The following CDIN1 variants were observed in gnomAD, a reference collection of about 807,000 sequenced individuals.
CDIN1 encodes CDAN1-interacting nuclease 1.
Under a neutral mutation model 45.3 loss-of-function variants are expected in CDIN1, and 33 were observed. The observed-to-expected ratio is 0.73, with a 90% CI of 0.55 to 0.97. CDIN1 has a LOEUF of 0.97. Ranked by LOEUF, CDIN1 falls within the 50% of genes least tolerant of loss-of-function variation. The pLI is 0.00. For synonymous variants in CDIN1, 118 were observed against 124.4 expected (o/e 0.95, Z 0.34); for missense variants, 303 against 339.4 (o/e 0.89, Z 0.84).
chr15:36,619,588 T>C lies in CDIN1; in HGVS notation c.102-24690T>C, dbSNP rs530050884. Among the ~76,000 whole-genome samples, 3 of 152,152 alleles carry C rather than the reference T, an allele frequency of 2.0e-5. No homozygotes were observed. In the East Asian group the frequency reaches 5.8e-4, roughly 29 times the overall value. On this transcript the variant is annotated intron_variant, in intron 1 of 10. Coordinates refer to ENST00000566621, the MANE Select transcript of CDIN1 (RefSeq NM_001321759.2). ...GTTTTTGGTTTTAATTTGCAGAGAT[T>C]TGCTGCCAGGAATCAATTTTGAGGG...
chr15:36,649,841 C>A (rs1023131690), intron 3 of CDIN1, among the ~76,000 whole-genome samples: 4 of 152,190 alleles, frequency 2.6e-5, no homozygotes, highest in Admixed American at 2.0e-4. Context: ...TACATACTTA[C>A]ATACACAGCT....
chr15:36,672,338 A>G (rs991404717), intron 5 of CDIN1, among the ~76,000 whole-genome samples: 1 of 152,080 alleles, frequency 6.6e-6, no homozygotes, highest in African/African-American at 2.4e-5. Context: ...CTCTGTATCA[A>G]TATGAATTTT....
chr15:36,713,541 A>G (rs147023557), intron 10 of CDIN1, among the ~76,000 whole-genome samples: 335 of 152,240 alleles, frequency 2.2e-3, no homozygotes, highest in African/African-American at 7.5e-3. Context: ...CATGACTGGG[A>G]GCAACTTACT....
intron 10 of CDIN1, among the ~76,000 whole-genome samples, chr15:36,733,881 G>A (rs1428784438): frequency 2.0e-5 from 3 of 152,096 alleles, no homozygotes; most frequent in Admixed American, 6.6e-5. Flanking sequence ...ACTTTGTAGG[G>A]CCTTCAAGAC....
chr15:36,699,350 A>T (rs757167621), intron 8 of CDIN1, among the ~76,000 whole-genome samples: 3 of 152,190 alleles, frequency 2.0e-5, no homozygotes, highest in Non-Finnish European at 2.9e-5. Context: ...AAGTGTTGTG[A>T]CAGGTAAATT....
At chr15:36,790,852 C>A (rs1331472626) in intron 10 of CDIN1, among the ~76,000 whole-genome samples, 1 of 152,096 alleles carries the variant, frequency 6.6e-6, no homozygotes, top group Non-Finnish European at 1.5e-5. Context: ...TGTTTTAAAA[C>A]AACAACAACT....
At chr15:36,800,905 G>GTATATATATATATATATATA (rs1437486563) in intron 10 of CDIN1, among the ~76,000 whole-genome samples, 3 of 22,092 alleles carry the variant, frequency 1.4e-4, no homozygotes, top group Non-Finnish European at 1.9e-4. Context: ...GTGTGTGTGT[G>GTATATATATATATATATATA]TGTGTATATA....
rs111713255 is a variant in CDIN1, at chr15:36,722,985, G to GTGTGTGTGTGTGTT, written c.716+13025_716+13026insGTGTGTGTGTGTTT. Reference sequence around the variant, plus strand: ...TGTGTGTGTGTGTGTGTGTGTGTGTGTTTCTCTCTCCCTTACATTCTTCCA... The same window carrying GTGTGTGTGTGTGTT: ...TGTGTGTGTGTGTGTGTGTGTGTGTGTGTGTGTGTGTGTTTTTCTCTCTCCCTTACATTCTTCCA... On this transcript the variant is annotated intron_variant, in intron 10 of 10. Transcript: ENST00000566621. Among the ~76,000 whole-genome samples the GTGTGTGTGTGTGTT allele has an allele frequency of 1.5e-3, 184 of 119,182 alleles. 4 individuals carry two copies. Among genetic ancestry groups the GTGTGTGTGTGTGTT allele is most frequent in the African/African-American group, 2.4e-3 (85 of 35,616 alleles). 78.2% of individuals were successfully genotyped at this position (119,182 alleles called of 152,430 possible).
chr15:36,745,810 G>A (rs926813338), intron 10 of CDIN1, among the ~76,000 whole-genome samples: 13 of 151,808 alleles, frequency 8.6e-5, no homozygotes, highest in Non-Finnish European at 1.8e-4. Flanking sequence ...TACTAAAAAT[G>A]CAAAAATTAG....
chr15:36,617,853 G>A (rs138576760), intron 1 of CDIN1: 17 of 777,582 alleles, frequency 2.2e-5, no homozygotes, highest in South Asian at 2.0e-4. Context: ...AAATCCTTAA[G>A]AGAAGAAGTT....
chr15:36,634,788 C>T (rs1595396778), intron 1 of CDIN1, among the ~76,000 whole-genome samples: 1 of 152,060 alleles, frequency 6.6e-6, no homozygotes, highest in East Asian at 1.9e-4. Flanking sequence ...GCCTTTTTTC[C>T]TAAAGTCCAG....
intron 10 of CDIN1, among the ~76,000 whole-genome samples, chr15:36,776,842 C>A (rs1359260448): frequency 6.6e-6 from 1 of 152,108 alleles, no homozygotes; most frequent in Non-Finnish European, 1.5e-5. Flanking sequence ...TAAATGAAAT[C>A]TAAATCTTAG....
At chr15:36,694,775 T>C (rs2042366630) in intron 7 of CDIN1, among the ~76,000 whole-genome samples, 1 of 152,210 alleles carries the variant, frequency 6.6e-6, no homozygotes, top group Admixed American at 6.5e-5. Flanking sequence ...AAGCTTCAAA[T>C]GCTGTGGGTT....
intron 1 of CDIN1, chr15:36,613,582 A>G (rs1462267592): frequency 6.8e-7 from 1 of 1,479,854 alleles, no homozygotes; most frequent in Non-Finnish European, 9.4e-7. Flanking sequence ...AAGTTGAGGG[A>G]GAAAGGCGGG....
intron 1 of CDIN1, among the ~76,000 whole-genome samples, chr15:36,633,032 G>T (rs2039744477): frequency 6.6e-6 from 1 of 152,104 alleles, no homozygotes; most frequent in Non-Finnish European, 1.5e-5. Context: ...TTTAGAAAAG[G>T]GTGGGACTTA....
chr15:36,674,040 G>A (rs2041551484), intron 5 of CDIN1, among the ~76,000 whole-genome samples: 1 of 151,988 alleles, frequency 6.6e-6, no homozygotes, highest in African/African-American at 2.4e-5. Context: ...TTTTGAAAAA[G>A]CCGTATATAT....
chr15:36,599,071 C>T (rs1206873964), intron 1 of CDIN1, among the ~76,000 whole-genome samples: 2 of 147,590 alleles, frequency 1.4e-5, no homozygotes, highest in Non-Finnish European at 3.0e-5. Context: ...TTTTTATGAT[C>T]TCTTTTGAGG....
In CDIN1 at chr15:36,738,534, T is replaced by G. The variant is rs551521434; in HGVS notation, c.716+28573T>G. Among the ~76,000 whole-genome samples the G allele has an allele frequency of 3.3e-5, 5 of 152,216 alleles. No individual in the cohort carries two copies. In the East Asian group the frequency reaches 9.7e-4, roughly 29 times the overall value. Reference sequence around the variant, plus strand: ...TCATCTCCTACCACACACTCCCCGCTTACCCACTCTGCAACAGCCATTCTG... The same window carrying G: ...TCATCTCCTACCACACACTCCCCGCGTACCCACTCTGCAACAGCCATTCTG... On this transcript the variant is annotated intron_variant, in intron 10 of 10. Transcript: ENST00000566621.
intron 10 of CDIN1, among the ~76,000 whole-genome samples, chr15:36,794,262 G>A (rs958903184): frequency 6.6e-6 from 1 of 151,938 alleles, no homozygotes; most frequent in African/African-American, 2.4e-5. Context: ...GTTTCACTGT[G>A]TTAGCCAGGA....
Sources: allele counts gnomAD v4.1 joint callset (sites outside exome capture counted in the v4.1 genomes callset), GRCh38; gene constraint gnomAD v4.1.1; transcripts MANE v1.5; gene names NCBI Gene and HGNC (gene_info 2026-07-23, HGNC 2026-07-21).